CDO1: variants seen among roughly 807,000 people sequenced by gnomAD.
CDO1 encodes the protein cysteine dioxygenase type 1, also known as cysteine dioxygenase, type I.
Under a neutral mutation model 24.5 loss-of-function variants are expected in CDO1, and 19 were observed. The ratio of observed to expected loss-of-function variants is 0.77; its 90% CI spans 0.54 to 1.14. The LOEUF is 1.14. Ranked by LOEUF, CDO1 falls within the 50% of genes most tolerant of loss-of-function variation. The pLI is 0.00. For missense variants in CDO1, 244 were observed against 244.8 expected (o/e 1.00, Z 0.02); for synonymous variants, 91 against 87.0 (o/e 1.05, Z -0.26).
rs1760456326 is a variant in CDO1, at chr5:115,816,467, G to C, written c.-70C>G. 3 of 1,565,484 alleles carry C rather than the reference G, an allele frequency of 1.9e-6. No individual in the cohort carries two copies. The highest frequency in any genetic ancestry group is 2.6e-6 in the Non-Finnish European group (3 of 1,150,502). ...GTGGAGGAGCTGAGCGAGCCAAGGA[G>C]CTGGGGGCGAGGGAGCCTAACAGCC... On this transcript the variant is annotated 5_prime_UTR_variant, in exon 1 of 5. Coordinates refer to ENST00000250535, the MANE Select transcript of CDO1 (RefSeq NM_001801.3).
At position 115,804,952 on chromosome 5, in the gene CDO1, G is replaced by A. The variant is rs897050545; in HGVS notation, c.*481C>T. ...GAAAAGAAATTTGTAAGGTAAGACT[G>A]AAAAAATAAAATCTACAGATTCACA... is the stretch of plus-strand genomic sequence containing the variant. On this transcript the variant is annotated 3_prime_UTR_variant, in exon 5 of 5. Transcript: ENST00000250535. 2.0e-5 allele frequency: 3 copies of A among 152,398 alleles called. No homozygotes were observed. Among genetic ancestry groups the A allele is most frequent in the Non-Finnish European group, 2.9e-5 (2 of 68,240 alleles). 9.4% of individuals were successfully genotyped at this position (152,398 alleles called of 1,614,324 possible).
Position 115,816,431 on chromosome 5 carries a change from G to T in CDO1, c.-34C>A. On this transcript the variant is annotated 5_prime_UTR_variant, in exon 1 of 5. Transcript: ENST00000250535. The stretch of plus-strand genomic sequence containing the variant: ...GAGCTGGCTGCGCGCGCGTCTCACT[G>T]CTGGGCTGCGGTGGAGGAGCTGAGC... 6.2e-7 allele frequency: 1 copy of T among 1,606,624 alleles called. No homozygotes were observed.
chr5:115,816,526 C>T lies in CDO1; in HGVS notation c.-129G>A. The T allele has an allele frequency of 9.7e-7, 1 of 1,025,806 alleles. No individual in the cohort carries two copies. The highest frequency in any genetic ancestry group is 1.5e-6 in the Non-Finnish European group (1 of 687,114). The allele number at this position is 1,025,806 out of a possible 1,614,324, so 63.5% of individuals were successfully genotyped here. A position where few individuals can be genotyped will look rare whatever the true frequency, so the allele number is the denominator to read the frequency against. ...CGCTAAGCAGACACACACGCACAAA[C>T]CCAGCATTAGAGTGCCGAAACGTAA... On this transcript the variant is annotated 5_prime_UTR_variant, in exon 1 of 5. Coordinates refer to ENST00000250535, the MANE Select transcript of CDO1 (RefSeq NM_001801.3).
Position 115,816,629 on chromosome 5 carries a change from C to G in CDO1, c.-232G>C. On this transcript the variant is annotated 5_prime_UTR_variant, in exon 1 of 5. Coordinates refer to ENST00000250535, the MANE Select transcript of CDO1 (RefSeq NM_001801.3). ...AGTGGATCCGGGATCGCTGGAGACG[C>G]GGTGCACACACAAATCAGGTTCAGA... is the stretch of plus-strand genomic sequence containing the variant. 1.8e-6 allele frequency: 1 copy of G among 553,512 alleles called. No homozygotes were observed. Among genetic ancestry groups the G allele is most frequent in the Non-Finnish European group, 3.3e-6 (1 of 307,188 alleles). The allele number at this position is 553,512 out of a possible 1,614,324, so 34.3% of individuals were successfully genotyped here. A position where few individuals can be genotyped will look rare whatever the true frequency, so the allele number is the denominator to read the frequency against.
chr5:115,814,597 T>A (rs1316239909), intron 1 of CDO1: 3 of 152,250 alleles, frequency 2.0e-5, no homozygotes. Context: ...CTCAGATATC[T>A]GTGAAAAGAC....
At chr5:115,814,826 A>G (rs896771428) in intron 1 of CDO1, among the ~76,000 whole-genome samples, 37 of 152,204 alleles carry the variant, frequency 2.4e-4, no homozygotes, top group Non-Finnish European at 2.9e-5. Context: ...AAGTCATTCA[A>G]CTTCTTCATT....
At chr5:115,805,650 C>T (rs1468868009) in intron 4 of CDO1, among the ~76,000 whole-genome samples, 188 bp from the exon 5 acceptor site, 2 of 152,126 alleles carry the variant, frequency 1.3e-5, no homozygotes, top group Non-Finnish European at 2.9e-5. Context: ...TGAAGCGGAG[C>T]GATAATGAGA....
chr5:115,807,211 CCAGG>C (rs753256942), intron 3 of CDO1, among the ~76,000 whole-genome samples: 105 of 152,126 alleles, frequency 6.9e-4, no homozygotes, highest in Admixed American at 2.6e-3. Flanking sequence ...ATTTTTCTTT[CCAGG>C]CAGAAGATAG....
rs773094907 is a variant in CDO1 at position 115,805,396 on chromosome 5, G to A, written c.*37C>T. Reference sequence around the variant, plus strand: ...TTTTTGTCCAAGGCAAACATACAGCGAACCTTAAAGTAAAACCTCAGAGGG... The same window carrying A: ...TTTTTGTCCAAGGCAAACATACAGCAAACCTTAAAGTAAAACCTCAGAGGG... On this transcript the variant is annotated 3_prime_UTR_variant, in exon 5 of 5. Transcript: ENST00000250535. 2.4e-5 allele frequency: 39 copies of A among 1,601,226 alleles called. No homozygotes were observed. The highest frequency in any genetic ancestry group is 8.1e-5 in the African/African-American group (6 of 74,292).
At chr5:115,813,015 C>A (rs1234949989) in intron 2 of CDO1, among the ~76,000 whole-genome samples, 166 bp downstream of exon 2, 1 of 144,096 alleles carries the variant, frequency 6.9e-6, no homozygotes, top group Non-Finnish European at 1.5e-5. Context: ...CCATTTCACT[C>A]CAGCCTGGGC....
intron 2 of CDO1, 129 bp downstream of exon 2, chr5:115,813,047 CAAAAA>C (rs1011228490): frequency 6.8e-3 from 1,039 of 152,056 alleles, no homozygotes; most frequent in South Asian, 9.7e-3. Context: ...ACCACTGTCT[CAAAAA>C]AAAAAAAAAA....
chr5:115,811,255 C>T lies in CDO1; in HGVS notation c.309G>A (p.Lys103=). The change falls in exon 3 of 5, where the codon AAG becomes AAA. Residue 103 remains lysine (K), a synonymous_variant. Coordinates refer to ENST00000250535, the MANE Select transcript of CDO1 (RefSeq NM_001801.3). The stretch of plus-strand genomic sequence containing the variant: ...TGTCAGGCCAGGCAAATAATGTCTC[C>T]TTTAGATTTCCCTGTAGCATCTTCA... The part of the protein sequence containing the change: ...CFLKMLQGNL[K]ETLFAWPDKK... The T allele has an allele frequency of 6.2e-7, 1 of 1,613,012 alleles. No homozygotes were observed. The highest frequency in any genetic ancestry group is 8.5e-7 in the Non-Finnish European group (1 of 1,179,134).
At chr5:115,805,794 A>T (rs1759921881) in intron 4 of CDO1, among the ~76,000 whole-genome samples, 1 of 152,220 alleles carries the variant, frequency 6.6e-6, no homozygotes, top group South Asian at 2.1e-4. Context: ...TGACAAACTT[A>T]TTTCAGAGGT....
At chr5:115,813,144 G>T in intron 2 of CDO1, 37 bp downstream of exon 2, 2 of 1,160,924 alleles carry the variant, frequency 1.7e-6, no homozygotes, top group Non-Finnish European at 2.6e-6. Flanking sequence ...TAGAAAACAT[G>T]CTCTAATAAA....
At chr5:115,813,284 G>T (rs922877828) in intron 1 of CDO1, 26 bp from the exon 2 acceptor site, 4 of 1,294,296 alleles carry the variant, frequency 3.1e-6, no homozygotes, top group Non-Finnish European at 4.5e-6. Flanking sequence ...ATATTCAGAA[G>T]TTTTAAGTTC....
intron 3 of CDO1, among the ~76,000 whole-genome samples, chr5:115,810,568 T>G (rs1015349939): frequency 6.6e-6 from 1 of 152,220 alleles, no homozygotes; most frequent in Non-Finnish European, 1.5e-5. Flanking sequence ...CTCATATACA[T>G]TTTAATGAGC....
At chr5:115,811,105 C>T (rs1760167018) in intron 3 of CDO1, 56 bp downstream of exon 3, 5 of 1,501,546 alleles carry the variant, frequency 3.3e-6, no homozygotes, top group Non-Finnish European at 4.6e-6. Flanking sequence ...ACCAATATTT[C>T]AGACAAAAGG....
At chr5:115,816,112 A>G (rs2112699158) in intron 1 of CDO1, 116 bp downstream of exon 1, 5 of 678,386 alleles carry the variant, frequency 7.4e-6, no homozygotes, top group South Asian at 1.8e-5. Flanking sequence ...CGAGCGGCGG[A>G]CGCAGCGCGG....
At chr5:115,808,270 C>T (rs11949720) in intron 3 of CDO1, among the ~76,000 whole-genome samples, 6,158 of 152,214 alleles carry the variant, frequency 0.04, 455 homozygotes, top group African/African-American at 0.14. Flanking sequence ...TGAGTCACCA[C>T]ACCCGGCCAG....
Sources: gnomAD v4.1 joint callset for allele counts (sites outside exome capture counted in the v4.1 genomes callset) on GRCh38, gnomAD v4.1.1 for gene constraint, MANE v1.5 for transcripts, NCBI Gene and HGNC (gene_info 2026-07-23, HGNC 2026-07-21) for gene names.